Variants in COL14A1 observed in about 807,000 individuals in gnomAD.
COL14A1 encodes the protein collagen type XIV alpha 1 chain.
COL14A1 carries 136 observed loss-of-function variants against 230.3 expected under a neutral mutation model. That is an observed-to-expected ratio of 0.59 (90% confidence interval 0.51 to 0.68). The LOEUF is 0.68. COL14A1 is among the 30% of genes least tolerant of loss of function. The probability of loss-of-function intolerance (pLI) is 0.00; values close to 1 mark genes in which losing one functional copy is unlikely to be tolerated. For synonymous variants in COL14A1, 792 were observed against 784.1 expected (o/e 1.01, Z -0.17); for missense variants, 1,976 against 2,215.8 (o/e 0.89, Z 2.17).
chr8:120,202,746 A>G (rs1817290994), intron 8 of COL14A1, among the ~76,000 whole-genome samples: 1 of 151,226 alleles, frequency 6.6e-6, no homozygotes. Flanking sequence ...CAGTGATCAC[A>G]CTCTTTTTTA....
intron 26 of COL14A1, among the ~76,000 whole-genome samples, chr8:120,270,448 G>A (rs1382924155): frequency 6.6e-6 from 1 of 151,674 alleles, no homozygotes. Context: ...AGGGTAGAAT[G>A]TCTCCTTTAA....
rs370677890 is a variant in COL14A1 at position 120,196,750 on chromosome 8, C to T, written c.437-41C>T. Reference sequence around the variant, plus strand: ...AAGATGGACTGTTTTTGAAGTTGCTCTGACAGTAACACATGCGCTTTTCTG... The same window carrying T: ...AAGATGGACTGTTTTTGAAGTTGCTTTGACAGTAACACATGCGCTTTTCTG... On this transcript the variant is annotated intron_variant, in intron 5 of 47. Coordinates refer to ENST00000297848, the MANE Select transcript of COL14A1 (RefSeq NM_021110.4). The T allele has an allele frequency of 1.5e-4, 244 of 1,593,070 alleles. 1 individual carries two copies. In the African/African-American group the frequency reaches 3.0e-3, roughly 19 times the overall value.
At chr8:120,330,097 C>T (rs1393659324) in intron 40 of COL14A1, among the ~76,000 whole-genome samples, 1 of 152,170 alleles carries the variant, frequency 6.6e-6, no homozygotes, top group Non-Finnish European at 1.5e-5. Flanking sequence ...TTGAAACTAG[C>T]CACTTTTCAT....
chr8:120,204,187 C>T (rs1817357137), intron 9 of COL14A1, among the ~76,000 whole-genome samples: 1 of 152,140 alleles, frequency 6.6e-6, no homozygotes, highest in South Asian at 2.1e-4. Flanking sequence ...ATTGTGTGTT[C>T]TTTACTAGTT....
At chr8:120,271,114 A>T (rs929248855) in intron 26 of COL14A1, among the ~76,000 whole-genome samples, 3 of 151,802 alleles carry the variant, frequency 2.0e-5, no homozygotes, top group African/African-American at 7.2e-5. Context: ...TAAGCAAACT[A>T]ATGCATAAAC....
At position 120,243,965 on chromosome 8, in the gene COL14A1, C is replaced by T; in HGVS notation, c.2436C>T (p.Tyr812=). ...ACAAAGTCACAGTGACTCCCATCTA[C>T]ACGGATGGCGAAGGCGTCAGCGTCT... ...TEYKVTVTPI[Y]TDGEGVSVSA... is the part of the protein sequence containing the mutation. Residue 812 remains tyrosine, a synonymous_variant, in exon 20 of 48, where the codon TAC becomes TAT. Coordinates refer to ENST00000297848, the MANE Select transcript of COL14A1 (RefSeq NM_021110.4). 6.2e-7 allele frequency: 1 copy of T among 1,613,604 alleles called. No homozygotes were observed. Among genetic ancestry groups the T allele is most frequent in the Non-Finnish European group, 8.5e-7 (1 of 1,179,656 alleles).
At chr8:120,338,484 T>G (rs1822161845) in intron 42 of COL14A1, among the ~76,000 whole-genome samples, 1 of 152,208 alleles carries the variant, frequency 6.6e-6, no homozygotes, top group South Asian at 2.1e-4. Context: ...TGCCTCATTT[T>G]CCATATCTGG....
At chr8:120,165,284 G>T (rs941544483) in intron 4 of COL14A1, among the ~76,000 whole-genome samples, 4 of 152,202 alleles carry the variant, frequency 2.6e-5, no homozygotes. Flanking sequence ...TGGTGATCAA[G>T]ATAAAGCCTT....
intron 19 of COL14A1, 32 bp from the exon 20 acceptor site, chr8:120,243,847 C>G (rs1227905935): frequency 3.1e-6 from 5 of 1,609,178 alleles, no homozygotes; most frequent in Middle Eastern, 1.6e-4. Context: ...ACGGGTCTCA[C>G]TAAGACTGCA....
At chr8:120,194,733 A>G (rs1163167024) in intron 5 of COL14A1, among the ~76,000 whole-genome samples, 1 of 152,190 alleles carries the variant, frequency 6.6e-6, no homozygotes. Flanking sequence ...CAATTAATTT[A>G]TAAGTGAAAT....
At chr8:120,208,168 T>C in intron 10 of COL14A1, 64 bp from the exon 11 acceptor site, 1 of 1,484,630 alleles carries the variant, frequency 6.7e-7, no homozygotes, top group Non-Finnish European at 9.0e-7. Flanking sequence ...ATTTTCGCTT[T>C]TTGATTTCAA....
rs566853227 is a variant in COL14A1 at position 120,158,358 on chromosome 8, G to C, written c.205+112G>C. ...AGGATTTTTTGGAAGCTTTTGGTTTGTTTAATCTTCAGTGTTTAAAATCTT... is the reference window on the plus strand; with the variant it reads ...AGGATTTTTTGGAAGCTTTTGGTTTCTTTAATCTTCAGTGTTTAAAATCTT... On this transcript the variant is annotated intron_variant, in intron 3 of 47. Transcript: ENST00000297848. 2.2e-4 allele frequency: 159 copies of C among 714,358 alleles called. 1 individual carries two copies. The highest frequency in any genetic ancestry group is 3.4e-4 in the Non-Finnish European group (136 of 400,560). The allele number at this position is 714,358 out of a possible 1,614,324, so 44.3% of individuals were successfully genotyped here. A position where few individuals can be genotyped will look rare whatever the true frequency, so the allele number is the denominator to read the frequency against.
intron 23 of COL14A1, among the ~76,000 whole-genome samples, chr8:120,259,571 G>A (rs767441604): frequency 6.6e-6 from 1 of 152,272 alleles, no homozygotes; most frequent in Non-Finnish European, 1.5e-5. Context: ...CTCTTTGTTA[G>A]TATTGGGAAC....
chr8:120,157,154 T>C (rs573585893), intron 2 of COL14A1, among the ~76,000 whole-genome samples: 1 of 152,314 alleles, frequency 6.6e-6, no homozygotes, highest in Admixed American at 6.5e-5. Context: ...AATGAGTACA[T>C]TTTTGTAAAC....
At chr8:120,223,218 G>A (rs937624519) in intron 14 of COL14A1, among the ~76,000 whole-genome samples, 5 of 152,320 alleles carry the variant, frequency 3.3e-5, no homozygotes, top group African/African-American at 4.8e-5. Context: ...TTTTGATTCA[G>A]AGTGCAATAG....
chr8:120,250,838 C>A, intron 22 of COL14A1, 72 bp downstream of exon 22: 1 of 1,542,510 alleles, frequency 6.5e-7, no homozygotes, highest in South Asian at 1.2e-5. Context: ...GATGGAGTCT[C>A]GCTCTGTCGC....
chr8:120,127,116 G>A (rs142100664), intron 1 of COL14A1, among the ~76,000 whole-genome samples: 3 of 152,302 alleles, frequency 2.0e-5, no homozygotes, highest in Non-Finnish European at 4.4e-5. Context: ...CGCCGTGTCT[G>A]TATGGATTTG....
In COL14A1 at chr8:120,334,583, AAAACAC is replaced by A. The variant is rs748669826; in HGVS notation, c.4785+1850_4785+1855del. ...GAAAAAATGCATGCGTTCACACACA[AAAACAC>A]ACACACACACACACACACACACACA... On this transcript the variant is annotated intron_variant, in intron 42 of 47. Transcript: ENST00000297848. 4.5e-3 allele frequency among the ~76,000 whole-genome samples: 494 copies of A among 108,834 alleles called. 2 individuals carry two copies. Among genetic ancestry groups the A allele is most frequent in the African/African-American group, 0.014 (444 of 31,160 alleles). The allele number at this position is 108,834 out of a possible 152,430, so 71.4% of individuals were successfully genotyped here. A position where few individuals can be genotyped will look rare whatever the true frequency, so the allele number is the denominator to read the frequency against.
chr8:120,303,834 T>A (rs926106718), intron 36 of COL14A1, among the ~76,000 whole-genome samples: 3 of 152,162 alleles, frequency 2.0e-5, no homozygotes, highest in African/African-American at 7.2e-5. Context: ...TCTTTGTACA[T>A]CTTGTAGAAT....
Sources: gnomAD v4.1 joint callset for allele counts (sites outside exome capture counted in the v4.1 genomes callset) on GRCh38, gnomAD v4.1.1 for gene constraint, MANE v1.5 for transcripts, NCBI Gene and HGNC (gene_info 2026-07-23, HGNC 2026-07-21) for gene names.